The following DERA variants were observed in gnomAD, a reference collection of about 807,000 sequenced individuals.
DERA encodes the protein deoxyribose-phosphate aldolase.
A neutral mutation model predicts 41.1 loss-of-function variants in DERA; 15 were observed. The ratio of observed to expected loss-of-function variants is 0.37; its 90% CI spans 0.24 to 0.56. DERA has a LOEUF of 0.56. Among genes scored for constraint, DERA ranks in the 20% least tolerant of loss-of-function variants. The probability of loss-of-function intolerance (pLI) is 0.81; values close to 1 mark genes in which losing one functional copy is unlikely to be tolerated. For missense variants in DERA, 396 were observed against 403.4 expected (o/e 0.98, Z 0.16); for synonymous variants, 139 against 137.4 (o/e 1.01, Z -0.08).
rs150601466 is a variant in DERA, at chr12:15,964,073, C to T, written c.508+1126C>T. Among the ~76,000 whole-genome samples, 71 of 152,252 alleles carry T rather than the reference C, an allele frequency of 4.7e-4. 1 individual carries two copies. In the East Asian group the frequency reaches 0.014, roughly 29 times the overall value. ...ACAAAGTTCTTGGAGACCCGGGCTA[C>T]GTTTATATTCCAGTTCCAAAGCATG... On this transcript the variant is annotated intron_variant, in intron 5 of 8. Coordinates refer to ENST00000428559, the MANE Select transcript of DERA (RefSeq NM_015954.4).
chr12:15,979,894 TG>T (rs1462340163), intron 5 of DERA, among the ~76,000 whole-genome samples: 3 of 152,210 alleles, frequency 2.0e-5, no homozygotes, highest in South Asian at 4.1e-4. Context: ...AAAAGGATGG[TG>T]TTTTTTTGTT....
chr12:16,033,606 T>TGTGTGG (rs1249670532), intron 7 of DERA, among the ~76,000 whole-genome samples: 3 of 151,018 alleles, frequency 2.0e-5, no homozygotes, highest in African/African-American at 7.3e-5. Context: ...TGTGTGTGTG[T>TGTGTGG]GTGTGTGTGT....
rs75779198 is a variant in DERA at position 15,924,529 on chromosome 12, T to C, written c.31+13115T>C. Among the ~76,000 whole-genome samples the C allele has an allele frequency of 8.3e-3, 1,267 of 152,366 alleles. 20 individuals carry two copies. Among genetic ancestry groups the C allele is most frequent in the African/African-American group, 0.029 (1,203 of 41,580 alleles). ...ATTATAGAGATCTGTGTTTCCATCT[T>C]AGCCCTGACAAGTATGGTGTGACCT... On this transcript the variant is annotated intron_variant, in intron 1 of 8. Coordinates refer to ENST00000428559, the MANE Select transcript of DERA (RefSeq NM_015954.4). The surrounding 1 kb of genome is among the most constrained non-coding windows in gnomAD (Gnocchi z 5.0).
In DERA at chr12:15,972,932, T is replaced by G. The variant is rs898258466; in HGVS notation, c.509-9376T>G. Among the ~76,000 whole-genome samples the G allele has an allele frequency of 2.0e-5, 3 of 152,138 alleles. No individual in the cohort carries two copies. The highest frequency in any genetic ancestry group is 7.2e-5 in the African/African-American group (3 of 41,418). On this transcript the variant is annotated intron_variant, in intron 5 of 8. Transcript: ENST00000428559. The surrounding 1 kb of genome is among the most constrained non-coding windows in gnomAD (Gnocchi z 4.4). ...AGGTAGGGCCAGTTGTCAACCTGAT[T>G]TGGATGCTGTTTCAAACATGCAGTC... is the stretch of plus-strand genomic sequence containing the variant.
chr12:16,031,563 G>A (rs7312480), intron 6 of DERA, among the ~76,000 whole-genome samples: 149,880 of 152,300 alleles, frequency 0.98, 73,806 homozygotes, highest in Middle Eastern at 1. Context: ...GGTAGTGCCC[G>A]TGCTGCTGGT....
Position 15,994,591 on chromosome 12 carries a change from C to T in DERA, c.637+12155C>T, listed in dbSNP as rs1158999947. Among the ~76,000 whole-genome samples the T allele has an allele frequency of 1.3e-5, 2 of 152,152 alleles. No homozygotes were observed. Among genetic ancestry groups the T allele is most frequent in the Non-Finnish European group, 2.9e-5 (2 of 68,022 alleles). On this transcript the variant is annotated intron_variant, in intron 6 of 8. Coordinates refer to ENST00000428559, the MANE Select transcript of DERA (RefSeq NM_015954.4). This position sits in a 1 kb window ranked among gnomAD's most constrained non-coding sequence, Gnocchi z 4.8. ...GCCTCAGCCTCCTGAATAGCTGGGA[C>T]TACAGGCGCCTGCAACCACGCCTGG...
chr12:15,945,578 T>A (rs1948441266), intron 1 of DERA, among the ~76,000 whole-genome samples: 1 of 152,238 alleles, frequency 6.6e-6, no homozygotes, highest in Admixed American at 6.5e-5. Context: ...ATTGATTTTG[T>A]ATCCTGAGAC....
intron 1 of DERA, among the ~76,000 whole-genome samples, chr12:15,944,485 A>G (rs1384795240): frequency 2.0e-5 from 3 of 152,056 alleles, no homozygotes; most frequent in South Asian, 2.1e-4. Flanking sequence ...GCCAGTGATG[A>G]TGAGCATTTT....
In DERA at chr12:16,004,992, C is replaced by G. The variant is rs1374191868; in HGVS notation, c.637+22556C>G. ...GCAACTGAGGATTTGGTTTTATGCC[C>G]TGTAGAGTTCAAATTAAATTTTACT... On this transcript the variant is annotated intron_variant, in intron 6 of 8. Coordinates refer to ENST00000428559, the MANE Select transcript of DERA (RefSeq NM_015954.4). The surrounding 1 kb of genome is among the most constrained non-coding windows in gnomAD (Gnocchi z 4.2). Among the ~76,000 whole-genome samples the G allele has an allele frequency of 6.6e-6, 1 of 152,132 alleles. No homozygotes were observed. Among genetic ancestry groups the G allele is most frequent in the African/African-American group, 2.4e-5 (1 of 41,422 alleles).
intron 6 of DERA, among the ~76,000 whole-genome samples, chr12:16,030,736 T>C (rs1290520799): frequency 6.6e-6 from 1 of 152,252 alleles, no homozygotes; most frequent in Non-Finnish European, 1.5e-5. Flanking sequence ...ATTTGTTTCT[T>C]TATTGTCTTT....
chr12:15,912,265 T>A (rs1248835766), intron 1 of DERA, among the ~76,000 whole-genome samples: 1 of 152,082 alleles, frequency 6.6e-6, no homozygotes, highest in Non-Finnish European at 1.5e-5. Flanking sequence ...AAAGCACATC[T>A]TGCACCGCCC....
intron 1 of DERA, among the ~76,000 whole-genome samples, chr12:15,932,770 A>G (rs1286357549): frequency 6.6e-6 from 1 of 152,212 alleles, no homozygotes; most frequent in African/African-American, 2.4e-5. Context: ...TGTAGTTAAC[A>G]TATTGTACAG....
intron 1 of DERA, among the ~76,000 whole-genome samples, chr12:15,919,090 A>G (rs959563360): frequency 6.6e-6 from 1 of 152,136 alleles, no homozygotes; most frequent in African/African-American, 2.4e-5. Flanking sequence ...AACTACTTTG[A>G]TTTTACCTTA....
chr12:15,979,403 A>G (rs1237484096), intron 5 of DERA, among the ~76,000 whole-genome samples: 2 of 152,230 alleles, frequency 1.3e-5, no homozygotes, highest in Admixed American at 1.3e-4. Flanking sequence ...CCACAATAAT[A>G]AAGAAAATAT....
chr12:15,932,811 C>T (rs1406797326), intron 1 of DERA, among the ~76,000 whole-genome samples: 1 of 152,124 alleles, frequency 6.6e-6, no homozygotes, highest in East Asian at 1.9e-4. Flanking sequence ...GATCTTCTAA[C>T]CGAAATTTTT....
chr12:15,942,556 C>A (rs1216937718), intron 1 of DERA, among the ~76,000 whole-genome samples: 1 of 152,134 alleles, frequency 6.6e-6, no homozygotes, highest in Non-Finnish European at 1.5e-5. Context: ...AGATGGGGAT[C>A]CAATTTCATT....
chr12:15,975,421 A>C (rs1948690414), intron 5 of DERA, among the ~76,000 whole-genome samples: 1 of 152,152 alleles, frequency 6.6e-6, no homozygotes, highest in South Asian at 2.1e-4. Flanking sequence ...TATCTCAAGC[A>C]TTGATCTTAG....
At chr12:15,953,768 A>G (rs182954481) in intron 1 of DERA, among the ~76,000 whole-genome samples, 1 of 152,348 alleles carries the variant, frequency 6.6e-6, no homozygotes, top group African/African-American at 2.4e-5. Flanking sequence ...ATTATGGAGG[A>G]CATAACAAAG....
Position 16,003,941 on chromosome 12 carries a change from T to C in DERA, c.637+21505T>C, listed in dbSNP as rs2136174849. Among the ~76,000 whole-genome samples the C allele has an allele frequency of 6.6e-6, 1 of 152,316 alleles. No individual in the cohort carries two copies. Among genetic ancestry groups the C allele is most frequent in the South Asian group, 2.1e-4 (1 of 4,818 alleles). On this transcript the variant is annotated intron_variant, in intron 6 of 8. Transcript: ENST00000428559. This position sits in a 1 kb window ranked among gnomAD's most constrained non-coding sequence, Gnocchi z 4.8. ...TAGCCACTCAGAGGCATCCGGGCCT[T>C]CCTCTGTTTCCTAAAACATCATTGT...
Sources: gnomAD v4.1 joint callset for allele counts (sites outside exome capture counted in the v4.1 genomes callset) on GRCh38, gnomAD v4.1.1 for gene constraint, Gnocchi (gnomAD v3.1) non-coding constraint, MANE v1.5 for transcripts, NCBI Gene and HGNC (gene_info 2026-07-23, HGNC 2026-07-21) for gene names.